Variants in RESF1 observed in about 807,000 individuals in gnomAD.
RESF1 encodes the protein retroelement silencing factor 1.
In RESF1, 65 loss-of-function variants were observed where a neutral mutation model predicts 134.7. The ratio of observed to expected loss-of-function variants is 0.48; its 90% CI spans 0.40 to 0.59. The LOEUF (loss-of-function observed/expected upper bound fraction) is 0.59. Ranked by LOEUF, RESF1 falls within the 20% of genes least tolerant of loss-of-function variation. The pLI is 0.00. For missense variants in RESF1, 2,274 were observed against 2,002.7 expected (o/e 1.14, Z -2.59); for synonymous variants, 762 against 702.2 (o/e 1.09, Z -1.35).
intron 3 of RESF1, among the ~76,000 whole-genome samples, chr12:31,980,021 G>C (rs981236179): frequency 2.6e-5 from 4 of 151,594 alleles, no homozygotes; most frequent in African/African-American, 9.7e-5. Context: ...TAGTAGCATA[G>C]ACTCAGGTAT....
chr12:31,976,195 T>G (rs2120816704), intron 3 of RESF1, among the ~76,000 whole-genome samples: 1 of 152,276 alleles, frequency 6.6e-6, no homozygotes, highest in South Asian at 2.1e-4. Flanking sequence ...TTACCAAAAA[T>G]TTTGCCATTT....
rs761558428 is a variant in RESF1, at chr12:31,992,536, T to TCTTG, written c.*1_*2insCTTG. The TCTTG allele has an allele frequency of 2.5e-5, 40 of 1,612,140 alleles. No individual in the cohort carries two copies. In the African/African-American group the frequency reaches 3.7e-4, roughly 15 times the overall value. ...CCTTGGTAGCAGTCCTGTAAAATAA[T>TCTTG]TACAAGATGTGGTTTTGTAATTGCC... is the stretch of plus-strand genomic sequence containing the variant. On this transcript the variant is annotated 3_prime_UTR_variant, in exon 6 of 6. Transcript: ENST00000312561.
intron 5 of RESF1, among the ~76,000 whole-genome samples, chr12:31,988,760 G>A (rs780442542): frequency 6.6e-6 from 1 of 151,874 alleles, no homozygotes; most frequent in Non-Finnish European, 1.5e-5. Flanking sequence ...GCACGATCTC[G>A]GCCTTGCTGC....
At chr12:31,971,255 G>C (rs543469620) in intron 3 of RESF1, among the ~76,000 whole-genome samples, 1 of 152,284 alleles carries the variant, frequency 6.6e-6, no homozygotes, top group Admixed American at 6.5e-5. Flanking sequence ...TGATTCTCCT[G>C]CCTCATCCTC....
chr12:31,972,129 A>G (rs1348471786), intron 3 of RESF1, among the ~76,000 whole-genome samples: 1 of 152,202 alleles, frequency 6.6e-6, no homozygotes, highest in African/African-American at 2.4e-5. Flanking sequence ...CTTGCCTTCT[A>G]CATCTCTTGA....
At position 31,992,591 on chromosome 12, in the gene RESF1, A is replaced by G. The variant is rs184472712; in HGVS notation, c.*56A>G. 3 of 1,520,348 alleles carry G rather than the reference A, an allele frequency of 2.0e-6. No homozygotes were observed. Among genetic ancestry groups the G allele is most frequent in the East Asian group, 4.5e-5 (2 of 44,334 alleles). 94.2% of individuals were successfully genotyped at this position (1,520,348 alleles called of 1,614,324 possible). A position where few individuals can be genotyped will look rare whatever the true frequency, so the allele number is the denominator to read the frequency against. On this transcript the variant is annotated 3_prime_UTR_variant, in exon 6 of 6. Coordinates refer to ENST00000312561, the MANE Select transcript of RESF1 (RefSeq NM_018169.4). ...GGAAATTTCTTTCCTTTTCTGTTCA[A>G]AATATTTCGCTGAAACTAATGAGAA...
chr12:31,990,468 TAGAC>T (rs1242505566), intron 5 of RESF1, among the ~76,000 whole-genome samples: 1 of 152,130 alleles, frequency 6.6e-6, no homozygotes, highest in Non-Finnish European at 1.5e-5. Context: ...TTTTATTTTT[TAGAC>T]AGTCTCGCTG....
chr12:31,969,708 C>T lies in RESF1; in HGVS notation c.-246-481C>T, dbSNP rs182884593. Among the ~76,000 whole-genome samples, 4 of 152,168 alleles carry T rather than the reference C, an allele frequency of 2.6e-5. No individual in the cohort carries two copies. The East Asian group carries it at 5.8e-4, about 22-fold the overall frequency. ...GTCTGGAGTGCAGTGGCATGATTCC[C>T]GCTCACCACTGCCTCAACCCCCTGG... On this transcript the variant is annotated intron_variant, in intron 2 of 5. Transcript: ENST00000312561.
In RESF1 at chr12:31,984,097, G is replaced by A. The variant is rs757033353; in HGVS notation, c.3142G>A (p.Val1048Ile). ...TGAAATCCACAGTGATAAGGCACCT[G>A]TCTTATACCTACATGACCAGCTGTC... The part of the protein sequence containing the change: ...RNEIHSDKAP[V>I]LYLHDQLSEL... Residue 1048 changes from valine (V) to isoleucine (I), a missense_variant, in exon 4 of 6, where the codon GTC (valine) becomes ATC (isoleucine). Val to Ile is a conservative substitution (Grantham distance 29). Coordinates refer to ENST00000312561, the MANE Select transcript of RESF1 (RefSeq NM_018169.4). The A allele has an allele frequency of 8.1e-6, 13 of 1,613,922 alleles. No homozygotes were observed. The highest frequency in any genetic ancestry group is 1.1e-5 in the Non-Finnish European group (13 of 1,179,974).
At position 31,992,981 on chromosome 12, in the gene RESF1, T is replaced by A. The variant is rs895566343; in HGVS notation, c.*446T>A. On this transcript the variant is annotated 3_prime_UTR_variant, in exon 6 of 6. Coordinates refer to ENST00000312561, the MANE Select transcript of RESF1 (RefSeq NM_018169.4). ...TGTCAAAATATATTCTTAAGTGTTT[T>A]ATAACTAATTGTAAACTTTTTTTCA... The A allele has an allele frequency of 6.4e-6, 1 of 156,924 alleles. No homozygotes were observed. Among genetic ancestry groups the A allele is most frequent in the East Asian group, 1.9e-4 (1 of 5,310 alleles). 9.7% of individuals were successfully genotyped at this position (156,924 alleles called of 1,614,324 possible).
At chr12:31,964,930 C>CT (rs1939364631) in intron 2 of RESF1, among the ~76,000 whole-genome samples, 1 of 152,054 alleles carries the variant, frequency 6.6e-6, no homozygotes, top group African/African-American at 2.4e-5. Context: ...TGTGTCAGTA[C>CT]TATATGGTCT....
intron 2 of RESF1, among the ~76,000 whole-genome samples, chr12:31,966,492 C>T (rs141277157): frequency 2.2e-3 from 335 of 152,314 alleles, no homozygotes; most frequent in Non-Finnish European, 3.5e-3. Context: ...AGTATTCTAG[C>T]CTGAATGATG....
chr12:31,974,165 G>A (rs1939576990), intron 3 of RESF1, among the ~76,000 whole-genome samples: 1 of 151,688 alleles, frequency 6.6e-6, no homozygotes, highest in Middle Eastern at 3.2e-3. Flanking sequence ...CTCTCCAGGT[G>A]CTGCCCCACC....
In RESF1 at chr12:31,992,543, A is replaced by G. The variant is rs1940117815; in HGVS notation, c.*8A>G. 1 of 1,611,480 alleles carries G rather than the reference A, an allele frequency of 6.2e-7. No individual in the cohort carries two copies. Among genetic ancestry groups the G allele is most frequent in the Non-Finnish European group, 8.5e-7 (1 of 1,179,234 alleles). On this transcript the variant is annotated 3_prime_UTR_variant, in exon 6 of 6. Coordinates refer to ENST00000312561, the MANE Select transcript of RESF1 (RefSeq NM_018169.4). ...AGCAGTCCTGTAAAATAATTACAAGATGTGGTTTTGTAATTGCCACTGGGA... is the reference window on the plus strand; with the variant it reads ...AGCAGTCCTGTAAAATAATTACAAGGTGTGGTTTTGTAATTGCCACTGGGA...
chr12:31,970,417 T>C (rs1939480048), intron 3 of RESF1, 61 bp downstream of exon 3: 3 of 152,232 alleles, frequency 2.0e-5, no homozygotes, highest in African/African-American at 7.2e-5. Context: ...ATTTAAGACA[T>C]CTACTTCCTT....
chr12:31,980,648 C>T (rs561062925), intron 3 of RESF1, among the ~76,000 whole-genome samples: 4 of 152,134 alleles, frequency 2.6e-5, no homozygotes, highest in East Asian at 3.9e-4. Context: ...TTAAATGTAA[C>T]AAAAAGCTAG....
At chr12:31,964,309 T>C (rs10771891) in intron 2 of RESF1, among the ~76,000 whole-genome samples, 82,242 of 151,516 alleles carry the variant, frequency 0.54, 22,480 homozygotes, top group Middle Eastern at 0.6. Flanking sequence ...CTTTGCCTGC[T>C]TATAGGCCCC....
chr12:31,965,889 C>A (rs78491699), intron 2 of RESF1, among the ~76,000 whole-genome samples: 936 of 113,442 alleles, frequency 8.3e-3, no homozygotes, highest in Non-Finnish European at 8.9e-3. Flanking sequence ...GACTTCGTCT[C>A]AAAAAAAAAA....
chr12:31,980,368 C>G (rs1939751821), intron 3 of RESF1, among the ~76,000 whole-genome samples: 1 of 152,118 alleles, frequency 6.6e-6, no homozygotes, highest in African/African-American at 2.4e-5. Flanking sequence ...GCCTCTGCCT[C>G]CCAAAGTGCT....
Sources: allele counts gnomAD v4.1 joint callset (sites outside exome capture counted in the v4.1 genomes callset), GRCh38; gene constraint gnomAD v4.1.1; transcripts MANE v1.5; gene names NCBI Gene and HGNC (gene_info 2026-07-23, HGNC 2026-07-21).